TCEA1: variants seen among roughly 807,000 people sequenced by gnomAD.
The protein encoded by TCEA1 is transcription elongation factor A protein 1.
A neutral mutation model predicts 43.8 loss-of-function variants in TCEA1; 21 were observed. That is an observed-to-expected ratio of 0.48 (90% CI 0.34 to 0.69). The LOEUF is 0.69. TCEA1 is among the 30% of genes least tolerant of loss of function. TCEA1 has a pLI of 0.01. For missense variants in TCEA1, 250 were observed against 365.1 expected, an observed-to-expected ratio of 0.68 and a Z score of 2.57; for synonymous variants, 104 against 117.5, an observed-to-expected ratio of 0.88 and a Z score of 0.75.
rs544149056 is a variant in TCEA1 at position 53,969,119 on chromosome 8, A to G, written c.898-1007T>C. Among the ~76,000 whole-genome samples, 11 of 152,198 alleles carry G rather than the reference A, an allele frequency of 7.2e-5. No individual in the cohort carries two copies. The East Asian group carries it at 1.7e-3, about 24-fold the overall frequency. On this transcript the variant is annotated intron_variant, in intron 9 of 9. Coordinates refer to ENST00000521604, the MANE Select transcript of TCEA1 (RefSeq NM_006756.4). ...AGCCTGGCCAACATGGTGAAACGCC[A>G]TCTCTACTAAAAATACAAAAATTAG...
intron 2 of TCEA1, among the ~76,000 whole-genome samples, chr8:54,006,066 T>C (rs959259072): frequency 2.6e-5 from 4 of 152,260 alleles, no homozygotes; most frequent in African/African-American, 7.2e-5. Flanking sequence ...TCTTCTGAGA[T>C]GTAGTTTCAG....
At chr8:53,995,535 T>G (rs1046451450) in intron 3 of TCEA1, among the ~76,000 whole-genome samples, 1 of 152,184 alleles carries the variant, frequency 6.6e-6, no homozygotes, top group African/African-American at 2.4e-5. Context: ...GTACAAAGTA[T>G]ACCAGTTAAG....
rs983485034 is a variant in TCEA1 at position 54,022,341 on chromosome 8, G to C, written c.-216C>G. On this transcript the variant is annotated 5_prime_UTR_variant, in exon 1 of 10. Transcript: ENST00000521604. The stretch of plus-strand genomic sequence containing the variant: ...CCCCAGGCAGCGACAATCGAACACC[G>C]CGCGCGACGTGCAGGCGCTACCAAC... 1.3e-5 allele frequency: 8 copies of C among 596,700 alleles called. No homozygotes were observed. Among genetic ancestry groups the C allele is most frequent in the African/African-American group, 6.0e-5 (3 of 50,418 alleles). The allele number at this position is 596,700 out of a possible 1,614,324, so 37.0% of individuals were successfully genotyped here. A position where few individuals can be genotyped will look rare whatever the true frequency, so the allele number is the denominator to read the frequency against.
At position 53,973,070 on chromosome 8, in the gene TCEA1, A is replaced by T. The variant is rs542355803; in HGVS notation, c.826-2607T>A. On this transcript the variant is annotated intron_variant, in intron 8 of 9. Coordinates refer to ENST00000521604, the MANE Select transcript of TCEA1 (RefSeq NM_006756.4). ...AAGAGCTTTTGGACATGGATTTTCA[A>T]GACTACTTAGCTTCCTCTAGCGAAA... is the stretch of plus-strand genomic sequence containing the variant. 194 of 668,938 alleles carry T rather than the reference A, an allele frequency of 2.9e-4. 1 individual carries two copies. The highest frequency in any genetic ancestry group is 2.6e-3 in the South Asian group (188 of 73,258). 41.4% of individuals were successfully genotyped at this position (668,938 alleles called of 1,614,324 possible). A position where few individuals can be genotyped will look rare whatever the true frequency, so the allele number is the denominator to read the frequency against.
At chr8:53,987,060 T>A in intron 5 of TCEA1, 35 bp from the exon 6 acceptor site, 2 of 1,533,012 alleles carry the variant, frequency 1.3e-6, no homozygotes, top group Non-Finnish European at 8.8e-7. Context: ...CAAATTATTG[T>A]AACAGATTAA....
chr8:53,993,569 A>G, intron 4 of TCEA1, 99 bp downstream of exon 4: 1 of 932,430 alleles, frequency 1.1e-6, no homozygotes, highest in Non-Finnish European at 1.6e-6. Context: ...TTAGAAAACA[A>G]AAAAAGGAGT....
At chr8:53,976,781 G>A (rs1322985705) in intron 8 of TCEA1, among the ~76,000 whole-genome samples, 2 of 152,106 alleles carry the variant, frequency 1.3e-5, no homozygotes, top group African/African-American at 4.8e-5. Context: ...AGAAAATAGA[G>A]CAATTCAAAC....
intron 4 of TCEA1, among the ~76,000 whole-genome samples, chr8:53,990,474 G>T (rs1037691498): frequency 1.3e-5 from 2 of 150,724 alleles, no homozygotes; most frequent in Non-Finnish European, 2.9e-5. Context: ...CGGTTCTCCT[G>T]CCTCAGCCTC....
intron 7 of TCEA1, 37 bp from the exon 8 acceptor site, chr8:53,979,208 A>G: frequency 6.3e-7 from 1 of 1,585,518 alleles, no homozygotes; most frequent in Non-Finnish European, 8.6e-7. Flanking sequence ...AGTTATAGAC[A>G]CCTTCTATAT....
chr8:53,989,869 A>C (rs1803817411), intron 4 of TCEA1, among the ~76,000 whole-genome samples: 1 of 152,144 alleles, frequency 6.6e-6, no homozygotes, highest in South Asian at 2.1e-4. Context: ...TCCTGGGCTC[A>C]AGCAATCCTC....
At position 53,968,027 on chromosome 8, in the gene TCEA1, A is replaced by G. The variant is rs562365575; in HGVS notation, c.*77T>C. On this transcript the variant is annotated 3_prime_UTR_variant, in exon 10 of 10. Coordinates refer to ENST00000521604, the MANE Select transcript of TCEA1 (RefSeq NM_006756.4). ...TAAAAATTTGATTTGCAGGAAAACT[A>G]GTTGCTTGGCCTAGTTTAAAGCTAG... 16 of 1,315,154 alleles carry G rather than the reference A, an allele frequency of 1.2e-5. No individual in the cohort carries two copies. In the South Asian group the frequency reaches 2.0e-4, roughly 17 times the overall value. 81.5% of individuals were successfully genotyped at this position (1,315,154 alleles called of 1,614,324 possible).
At chr8:54,013,508 A>G (rs538265058) in intron 1 of TCEA1, among the ~76,000 whole-genome samples, 1 of 151,924 alleles carries the variant, frequency 6.6e-6, no homozygotes, top group African/African-American at 2.4e-5. Context: ...GTGAAACTCC[A>G]TCTCTACTAA....
At chr8:54,008,393 T>C (rs550160199) in intron 2 of TCEA1, among the ~76,000 whole-genome samples, 1 of 151,324 alleles carries the variant, frequency 6.6e-6, no homozygotes, top group South Asian at 2.1e-4. Context: ...CTGGCTGCAG[T>C]GGCTCATGCC....
chr8:53,968,194 T>G (rs1803045566), intron 9 of TCEA1, 82 bp from the exon 10 acceptor site: 1 of 1,065,688 alleles, frequency 9.4e-7, no homozygotes, highest in Admixed American at 2.8e-5. Flanking sequence ...ATACACCTGA[T>G]ATTGCTTTTA....
chr8:53,988,006 G>A (rs1213090165), intron 5 of TCEA1, 108 bp downstream of exon 5: 2 of 1,348,014 alleles, frequency 1.5e-6, no homozygotes, highest in African/African-American at 1.4e-5. Flanking sequence ...GCAGCAGTGG[G>A]TGGGCTATCC....
Position 54,022,387 on chromosome 8 carries a change from G to T in TCEA1, c.-262C>A. ...CCAACTGACTGCAGATCGCTGGTGA[G>T]GGGCGAGCCCATGTTCCCGCCAGGC... On this transcript the variant is annotated 5_prime_UTR_variant, in exon 1 of 10. Coordinates refer to ENST00000521604, the MANE Select transcript of TCEA1 (RefSeq NM_006756.4). 1 of 519,648 alleles carries T rather than the reference G, an allele frequency of 1.9e-6. No homozygotes were observed. The highest frequency in any genetic ancestry group is 3.4e-6 in the Non-Finnish European group (1 of 295,870). 32.2% of individuals were successfully genotyped at this position (519,648 alleles called of 1,614,324 possible). A position where few individuals can be genotyped will look rare whatever the true frequency, so the allele number is the denominator to read the frequency against.
chr8:53,995,294 CAAAAAAAAA>C (rs925755044), intron 3 of TCEA1, among the ~76,000 whole-genome samples: 1 of 57,932 alleles, frequency 1.7e-5, no homozygotes, highest in Non-Finnish European at 3.8e-5. Flanking sequence ...GACTCTGTCT[CAAAAAAAAA>C]AAAAAAAAAA....
At chr8:54,015,995 CTAGGAAGGCTA>C (rs1435054297) in intron 1 of TCEA1, among the ~76,000 whole-genome samples, 1 of 152,160 alleles carries the variant, frequency 6.6e-6, no homozygotes, top group Non-Finnish European at 1.5e-5. Context: ...TTTACACCCA[CTAGGAAGGCTA>C]TAATCAAGAC....
At chr8:53,970,629 CGCACTTCCAAACTTCATTTTCCT>C (rs1237880824) in intron 8 of TCEA1, among the ~76,000 whole-genome samples, 166 bp from the exon 9 acceptor site, 1 of 152,068 alleles carries the variant, frequency 6.6e-6, no homozygotes, top group African/African-American at 2.4e-5. Flanking sequence ...CAACAGAGCA[CGCACTTCCAAACTTCATTTTCCT>C]AAGTCCTTCT....
Sources: gnomAD v4.1 joint callset for allele counts (sites outside exome capture counted in the v4.1 genomes callset) on GRCh38, gnomAD v4.1.1 for gene constraint, MANE v1.5 for transcripts, NCBI Gene and HGNC (gene_info 2026-07-23, HGNC 2026-07-21) for gene names.